PCSK5: variants seen among roughly 807,000 people sequenced by gnomAD.
The protein encoded by PCSK5 is proprotein convertase subtilisin/kexin type 5.
PCSK5 carries 129 observed loss-of-function variants against 233.2 expected under a neutral mutation model. That is an observed-to-expected ratio of 0.55 (90% confidence interval 0.48 to 0.64). The LOEUF (loss-of-function observed/expected upper bound fraction) is 0.64. PCSK5 is among the 30% of genes least tolerant of loss of function. PCSK5 has a pLI of 0.00. For synonymous variants in PCSK5, 825 were observed against 879.2 expected, an observed-to-expected ratio of 0.94 and a Z score of 1.09; for missense variants, 2,076 against 2,430.1, an observed-to-expected ratio of 0.85 and a Z score of 3.06.
At chr9:76,083,959 G>A (rs1411026556) in intron 7 of PCSK5, among the ~76,000 whole-genome samples, 1 of 152,206 alleles carries the variant, frequency 6.6e-6, no homozygotes, top group Non-Finnish European at 1.5e-5. Flanking sequence ...ACAGATTACT[G>A]TTAAACTGGT....
intron 24 of PCSK5, among the ~76,000 whole-genome samples, chr9:76,255,519 T>C (rs1317560900): frequency 6.6e-6 from 1 of 152,190 alleles, no homozygotes; most frequent in Admixed American, 6.5e-5. Flanking sequence ...TAATTCTCTC[T>C]GCTCAAAATC....
intron 9 of PCSK5, among the ~76,000 whole-genome samples, chr9:76,121,632 GT>G: frequency 6.6e-6 from 1 of 152,302 alleles, no homozygotes; most frequent in African/African-American, 2.4e-5. Context: ...GTCTCTGCAA[GT>G]TTTTGGTATC....
At chr9:76,085,947 C>T (rs1831046485) in intron 7 of PCSK5, among the ~76,000 whole-genome samples, 1 of 152,178 alleles carries the variant, frequency 6.6e-6, no homozygotes, top group Non-Finnish European at 1.5e-5. Context: ...CAGTAAGTTC[C>T]TTTCATACCT....
At position 76,181,562 on chromosome 9, in the gene PCSK5, A is replaced by G. The variant is rs895330093; in HGVS notation, c.2168A>G (p.His723Arg). Residue 723 changes from histidine to arginine, a missense_variant, in exon 16 of 38, where the codon CAC becomes CGC. His to Arg is a conservative substitution (Grantham distance 29, BLOSUM62 0). This residue lies in a region of PCSK5 where 1,510 missense variants were observed against 1,538.1 expected (regional missense o/e 0.98). Transcript: ENST00000674117. ...LNEETNSCVT[H>R]CPDGSYQDTK... is the part of the protein sequence containing the mutation. The stretch of plus-strand genomic sequence containing the variant: ...GAAGAAACCAACAGCTGTGTTACTC[A>G]CTGCCCTGATGGGTCATATCAGGAT... 11 of 1,613,722 alleles carry G rather than the reference A, an allele frequency of 6.8e-6. No individual in the cohort carries two copies. Among genetic ancestry groups the G allele is most frequent in the Non-Finnish European group, 9.3e-6 (11 of 1,179,712 alleles).
intron 8 of PCSK5, among the ~76,000 whole-genome samples, chr9:76,104,771 T>C (rs889917200): frequency 6.6e-6 from 1 of 152,028 alleles, no homozygotes; most frequent in Non-Finnish European, 1.5e-5. Context: ...GAAAATATCA[T>C]GAAAAATCTT....
At chr9:75,985,789 G>T (rs1360186131) in intron 2 of PCSK5, among the ~76,000 whole-genome samples, 1 of 152,106 alleles carries the variant, frequency 6.6e-6, no homozygotes, top group Non-Finnish European at 1.5e-5. Flanking sequence ...CTAGCCCTTA[G>T]TATAAAGTAA....
chr9:76,156,476 A>G (rs72734662), intron 10 of PCSK5, among the ~76,000 whole-genome samples: 2 of 152,232 alleles, frequency 1.3e-5, no homozygotes, highest in Non-Finnish European at 2.9e-5. Flanking sequence ...TAATTACTAG[A>G]TATGTCAGAA....
chr9:76,234,872 A>G (rs528937133), intron 22 of PCSK5, among the ~76,000 whole-genome samples: 151 of 152,148 alleles, frequency 9.9e-4, no homozygotes, highest in Middle Eastern at 3.4e-3. Flanking sequence ...CTAAGACTTC[A>G]TTTGAGATGT....
At chr9:76,034,814 A>T (rs1246357866) in intron 5 of PCSK5, among the ~76,000 whole-genome samples, 2 of 152,218 alleles carry the variant, frequency 1.3e-5, no homozygotes, top group African/African-American at 4.8e-5. Flanking sequence ...TTAGTTCGGG[A>T]TATAAAATAT....
chr9:76,033,603 CTT>C (rs2131511148), intron 5 of PCSK5, among the ~76,000 whole-genome samples: 1 of 152,104 alleles, frequency 6.6e-6, no homozygotes, highest in South Asian at 2.1e-4. Context: ...AAATCTGACA[CTT>C]TCCATATACA....
intron 24 of PCSK5, among the ~76,000 whole-genome samples, chr9:76,261,562 C>G (rs1423169548): frequency 1.3e-5 from 2 of 152,160 alleles, no homozygotes; most frequent in Non-Finnish European, 2.9e-5. Context: ...AGGAATATAT[C>G]TAACCAAGGA....
chr9:76,089,448 A>G (rs1200106916), intron 7 of PCSK5, among the ~76,000 whole-genome samples: 2 of 152,194 alleles, frequency 1.3e-5, no homozygotes, highest in Non-Finnish European at 2.9e-5. Flanking sequence ...GTTATATGAT[A>G]CTGGGCCTAT....
chr9:76,357,869 C>T (rs1830340577), intron 37 of PCSK5, among the ~76,000 whole-genome samples: 1 of 152,222 alleles, frequency 6.6e-6, no homozygotes, highest in Admixed American at 6.5e-5. Context: ...ATTATCTGCT[C>T]TTGCCCTTAA....
In PCSK5 at chr9:76,246,951, GT is replaced by G. The variant is rs1246824810; in HGVS notation, c.3142+6269del. On this transcript the variant is annotated intron_variant, in intron 24 of 37. Coordinates refer to ENST00000674117, the MANE Select transcript of PCSK5 (RefSeq NM_001372043.1). ...CAAGCCTCATGTTCTCTGACCTGAGGTTCTTGGCCTCATGGATTCCAAGGAA... is the reference window on the plus strand; with the variant it reads ...CAAGCCTCATGTTCTCTGACCTGAGGTCTTGGCCTCATGGATTCCAAGGAA... 3.9e-5 allele frequency among the ~76,000 whole-genome samples: 6 copies of G among 152,358 alleles called. No individual in the cohort carries two copies. The East Asian group carries it at 1.2e-3, about 29-fold the overall frequency.
intron 9 of PCSK5, among the ~76,000 whole-genome samples, chr9:76,117,824 T>C (rs1213802172): frequency 2.0e-5 from 3 of 152,108 alleles, no homozygotes; most frequent in African/African-American, 7.2e-5. Context: ...AACCAGGGAA[T>C]GTTGGTACGA....
chr9:76,081,476 CAAACAAACAAAT>C (rs1416842436), intron 7 of PCSK5, among the ~76,000 whole-genome samples: 45 of 138,416 alleles, frequency 3.3e-4, no homozygotes, highest in Middle Eastern at 4.1e-3. Context: ...AATAAATAAA[CAAACAAACAAAT>C]AAATAAATAA....
chr9:75,926,110 TC>T (rs1823476496), intron 1 of PCSK5, among the ~76,000 whole-genome samples: 1 of 152,202 alleles, frequency 6.6e-6, no homozygotes. Flanking sequence ...TTCTTTCATT[TC>T]CCAATTCTTT....
rs532078265 is a variant in PCSK5, at chr9:76,152,952, T to C, written c.1313-4093T>C. 4.6e-5 allele frequency among the ~76,000 whole-genome samples: 7 copies of C among 152,348 alleles called. No homozygotes were observed. The South Asian group carries it at 1.4e-3, about 32-fold the overall frequency. ...AATATACCTGCCAGAGAATATTAAC[T>C]GTTTTCCTGTGTTCTCTTGTCCATC... is the stretch of plus-strand genomic sequence containing the variant. On this transcript the variant is annotated intron_variant, in intron 10 of 37. Transcript: ENST00000674117.
At chr9:75,951,664 TC>T (rs1353788703) in intron 2 of PCSK5, among the ~76,000 whole-genome samples, 2 of 151,992 alleles carry the variant, frequency 1.3e-5, no homozygotes, top group African/African-American at 4.8e-5. Context: ...GACCTCCTTA[TC>T]CACAGATTCC....
Sources: gnomAD v4.1 joint callset for allele counts (sites outside exome capture counted in the v4.1 genomes callset) on GRCh38, gnomAD v4.1.1 for gene constraint, gnomAD v4.1.1 regional missense constraint, MANE v1.5 for transcripts, NCBI Gene and HGNC (gene_info 2026-07-23, HGNC 2026-07-21) for gene names.